Variants in MROH2A observed in about 807,000 individuals in gnomAD.
The protein encoded by MROH2A is maestro heat-like repeat-containing protein family member 2A.
Under a neutral mutation model 200.4 loss-of-function variants are expected in MROH2A, and 174 were observed. That is an observed-to-expected ratio of 0.87 (90% CI 0.77 to 0.98). MROH2A has a LOEUF of 0.98. Among genes scored for constraint, MROH2A ranks in the 50% least tolerant of loss-of-function variants. The pLI is 0.00. For missense variants in MROH2A, 2,045 were observed against 2,139.6 expected (o/e 0.96, Z 0.87); for synonymous variants, 829 against 840.4 (o/e 0.99, Z 0.23).
chr2:233,785,420 T>C (rs1701154367), intron 3 of MROH2A, among the ~76,000 whole-genome samples: 1 of 150,656 alleles, frequency 6.6e-6, no homozygotes, highest in Non-Finnish European at 1.5e-5. Flanking sequence ...AGTGAGCCAT[T>C]TTGCACCACT....
chr2:233,814,599 C>T lies in MROH2A; in HGVS notation c.2778C>T (p.Ala926=), dbSNP rs1703393233. The stretch of plus-strand genomic sequence containing the variant: ...GGCTGTAGACCCTGTATGCAAATGC[C>T]CTGAGCTCCCTGGAGCAGCTGATGG... ...NESIKTLYAN[A]LSSLEQLMES... is the part of the protein sequence containing the mutation. Residue 926 remains alanine (A), a synonymous_variant, in exon 26 of 42, where the codon GCC becomes GCT. Transcript: ENST00000389758. 6.5e-7 allele frequency: 1 copy of T among 1,550,360 alleles called. No homozygotes were observed. The highest frequency in any genetic ancestry group is 8.7e-7 in the Non-Finnish European group (1 of 1,146,902).
In MROH2A at chr2:233,819,981, G is replaced by A. The variant is rs964853682; in HGVS notation, c.3437G>A (p.Gly1146Asp). Residue 1146 changes from glycine to aspartate, a missense_variant, in exon 31 of 42, where the codon GGC becomes GAC. By Grantham distance (94) the Gly-to-Asp change is moderately conservative. Around this residue, in one of 3 missense-constraint regions of MROH2A, gnomAD observed 1,201 missense variants for 1,311.3 expected, o/e 0.92. Transcript: ENST00000389758. ...GAGGTGCGGCGCCTTCTCATTGACG[G>A]CATCCTGCTGCTGGCGCACCACCAC... is the stretch of plus-strand genomic sequence containing the variant. ...HPEVRRLLID[G>D]ILLLAHHHQE... is the part of the protein sequence containing the mutation. The A allele has an allele frequency of 5.2e-6, 8 of 1,546,364 alleles. No homozygotes were observed. Among genetic ancestry groups the A allele is most frequent in the Admixed American group, 2.0e-5 (1 of 50,762 alleles).
At chr2:233,804,866 T>C (rs1328835642) in intron 18 of MROH2A, 138 bp from the exon 19 acceptor site, 1 of 606,558 alleles carries the variant, frequency 1.6e-6, no homozygotes. Context: ...ATCTATGGAC[T>C]TAGTGATCTG....
At chr2:233,827,472 C>T (rs900975961) in intron 35 of MROH2A, among the ~76,000 whole-genome samples, 3 of 152,124 alleles carry the variant, frequency 2.0e-5, no homozygotes, top group African/African-American at 7.2e-5. Flanking sequence ...AATACAGGAA[C>T]AGAAACCAAA....
At chr2:233,832,686 C>T (rs1291542021) in intron 41 of MROH2A, 42 bp downstream of exon 41, 3 of 1,382,122 alleles carry the variant, frequency 2.2e-6, no homozygotes, top group Non-Finnish European at 3.0e-6. Flanking sequence ...CACGACTCAC[C>T]AACTCACTAG....
Position 233,813,598 on chromosome 2 carries a change from G to A in MROH2A, c.2652-72G>A, listed in dbSNP as rs1052376271. On this transcript the variant is annotated intron_variant, in intron 24 of 41. Transcript: ENST00000389758. ...CTTCTAGGATGTGTTTCCGTGCCCAGATTGGGCAGTGGGGCAGCAGAAGCT... is the reference window on the plus strand; with the variant it reads ...CTTCTAGGATGTGTTTCCGTGCCCAAATTGGGCAGTGGGGCAGCAGAAGCT... The A allele has an allele frequency of 3.3e-6, 3 of 902,676 alleles. No individual in the cohort carries two copies. The African/African-American group carries it at 5.0e-5, about 15-fold the overall frequency. 55.9% of individuals were successfully genotyped at this position (902,676 alleles called of 1,614,324 possible). A position where few individuals can be genotyped will look rare whatever the true frequency, so the allele number is the denominator to read the frequency against.
chr2:233,795,606 T>C, intron 8 of MROH2A, 47 bp from the exon 9 acceptor site: 1 of 1,550,616 alleles, frequency 6.4e-7, no homozygotes, highest in Non-Finnish European at 8.7e-7. Context: ...GAGTTTGACC[T>C]TGAGTTGGTA....
At position 233,807,799 on chromosome 2, in the gene MROH2A, G is replaced by A. The variant is rs764362364; in HGVS notation, c.2239G>A (p.Asp747Asn). ...QVKTVLNVLH[D>N]FEERIQESEQ... ...AAAAACGGTGCTGAATGTGCTTCATGACTTCGAGGAGAGGATCCAGGAGTC... is the reference window on the plus strand; with the variant it reads ...AAAAACGGTGCTGAATGTGCTTCATAACTTCGAGGAGAGGATCCAGGAGTC... The change falls in exon 21 of 42, where the codon GAC (aspartate) becomes AAC (asparagine). Residue 747 changes from aspartate (D) to asparagine (N), a missense_variant. Asp to Asn is a conservative substitution (Grantham distance 23, BLOSUM62 1). This residue lies in a region of MROH2A where 1,201 missense variants were observed against 1,311.3 expected (regional missense o/e 0.92). Transcript: ENST00000389758. This position sits in a 1 kb window ranked among gnomAD's most constrained non-coding sequence, Gnocchi z 4.3. 1 of 1,550,918 alleles carries A rather than the reference G, an allele frequency of 6.4e-7. No individual in the cohort carries two copies. The highest frequency in any genetic ancestry group is 1.2e-5 in the South Asian group (1 of 84,066).
upstream of MROH2A, among the ~76,000 whole-genome samples, chr2:233,777,665 G>A (rs1700749828): frequency 6.6e-6 from 1 of 152,198 alleles, no homozygotes; most frequent in Non-Finnish European, 1.5e-5. Context: ...CTCCCATTTG[G>A]CTGGATGGGC....
chr2:233,815,986 G>T (rs1241463481), intron 26 of MROH2A, among the ~76,000 whole-genome samples: 1 of 151,942 alleles, frequency 6.6e-6, no homozygotes, highest in Non-Finnish European at 1.5e-5. Context: ...AAATATTTGG[G>T]AGTTTCCGAG....
In MROH2A at chr2:233,814,579, T is replaced by G; in HGVS notation, c.2761-3T>G. The G allele has an allele frequency of 6.5e-7, 1 of 1,549,810 alleles. No homozygotes were observed. The highest frequency in any genetic ancestry group is 8.7e-7 in the Non-Finnish European group (1 of 1,146,468). On this transcript the variant is annotated splice_region_variant and splice_polypyrimidine_tract_variant and intron_variant, in intron 25 of 41. Transcript: ENST00000389758. Reference sequence around the variant, plus strand: ...CCTATCTCTCTCTCCCTCTTGGCTGTAGACCCTGTATGCAAATGCCCTGAG... The same window carrying G: ...CCTATCTCTCTCTCCCTCTTGGCTGGAGACCCTGTATGCAAATGCCCTGAG...
At chr2:233,810,999 G>A in intron 23 of MROH2A, 83 bp downstream of exon 23, 6 of 1,473,478 alleles carry the variant, frequency 4.1e-6, no homozygotes, top group Non-Finnish European at 5.5e-6. Flanking sequence ...CAAAGTTCCT[G>A]AGGGCATCTG....
At chr2:233,812,189 G>C (rs1559468270) in intron 24 of MROH2A, among the ~76,000 whole-genome samples, 1 of 152,282 alleles carries the variant, frequency 6.6e-6, no homozygotes, top group South Asian at 2.1e-4. Flanking sequence ...CTTCTCCTTG[G>C]ATTTATGGCA....
In MROH2A at chr2:233,800,297, T is replaced by G; in HGVS notation, c.1542T>G (p.Ser514=). Residue 514 remains serine, a synonymous_variant, in exon 14 of 42, where the codon TCT becomes TCG. Coordinates refer to ENST00000389758, the MANE Select transcript of MROH2A (RefSeq NM_001394639.1). ...TMDTVKIITS[S]VSGMTTEFWV... is the part of the protein sequence containing the mutation. ...ACACTGTGAAGATCATTACCTCTTC[T>G]GTCAGTGGGATGACCACCGTGAGTG... 2 of 1,548,896 alleles carry G rather than the reference T, an allele frequency of 1.3e-6. No individual in the cohort carries two copies.
In MROH2A at chr2:233,823,509, C is replaced by T. The variant is rs979954839; in HGVS notation, c.4005-47C>T. The T allele has an allele frequency of 2.0e-6, 3 of 1,529,190 alleles. No individual in the cohort carries two copies. In the African/African-American group the frequency reaches 4.1e-5, roughly 21 times the overall value. The allele number at this position is 1,529,190 out of a possible 1,614,324, so 94.7% of individuals were successfully genotyped here. A position where few individuals can be genotyped will look rare whatever the true frequency, so the allele number is the denominator to read the frequency against. On this transcript the variant is annotated intron_variant, in intron 34 of 41. Coordinates refer to ENST00000389758, the MANE Select transcript of MROH2A (RefSeq NM_001394639.1). ...TGCCCAGCTCTTGGCAAACGTCAGG[C>T]AGGGGTGGGGCCGCCTCCACGACCT...
chr2:233,796,030 T>G lies in MROH2A; in HGVS notation c.1123T>G (p.Cys375Gly). The G allele has an allele frequency of 6.4e-7, 1 of 1,550,576 alleles. No individual in the cohort carries two copies. The highest frequency in any genetic ancestry group is 1.2e-5 in the South Asian group (1 of 84,062). ...CCAGAATCTGATGGAGATGGTGCAC[T>G]GCTTCGTAGCCCTTGGTGAGGCTCT... ...SSQNLMEMVH[C>G]FVALARSYPK... is the part of the protein sequence containing the mutation. Residue 375 changes from cysteine to glycine, a missense_variant, in exon 10 of 42, where the codon TGC (cysteine) becomes GGC (glycine). By Grantham distance (159) the Cys-to-Gly change is radical. Around this residue, in one of 3 missense-constraint regions of MROH2A, gnomAD observed 831 missense variants for 800.0 expected, o/e 1.04. Transcript: ENST00000389758.
chr2:233,806,280 C>T lies in MROH2A; in HGVS notation c.2053-1143C>T, dbSNP rs944587102. On this transcript the variant is annotated intron_variant, in intron 19 of 41. Coordinates refer to ENST00000389758, the MANE Select transcript of MROH2A (RefSeq NM_001394639.1). ...ATGCTTGCAAAGAAACCAAGAAAGA[C>T]GAGGGAAAAGAGGTAAATTTTATAG... is the stretch of plus-strand genomic sequence containing the variant. Among the ~76,000 whole-genome samples the T allele has an allele frequency of 7.9e-5, 12 of 151,922 alleles. No individual in the cohort carries two copies. In the East Asian group the frequency reaches 1.2e-3, roughly 15 times the overall value.
intron 41 of MROH2A, 122 bp downstream of exon 41, chr2:233,832,766 G>GGGGGGGGGGC: frequency 2.1e-6 from 1 of 478,864 alleles, no homozygotes; most frequent in Non-Finnish European, 3.9e-6. Flanking sequence ...GGGGGGGTGG[G>GGGGGGGGGGC]AGTGCAACCA....
At chr2:233,802,873 C>T (rs180893452) in intron 15 of MROH2A, among the ~76,000 whole-genome samples, 2 of 152,386 alleles carry the variant, frequency 1.3e-5, no homozygotes, top group East Asian at 3.9e-4. Flanking sequence ...AAGGGCAGAG[C>T]CTGCTCTCTG....
Sources: gnomAD v4.1 joint callset for allele counts (sites outside exome capture counted in the v4.1 genomes callset) on GRCh38, gnomAD v4.1.1 for gene constraint, gnomAD v4.1.1 regional missense constraint, Gnocchi (gnomAD v3.1) non-coding constraint, MANE v1.5 for transcripts, NCBI Gene and HGNC (gene_info 2026-07-23, HGNC 2026-07-21) for gene names.